The following MCF2L2 variants were observed in gnomAD, a reference collection of about 807,000 sequenced individuals.
MCF2L2 encodes MCF.2 cell line derived transforming sequence-like 2.
MCF2L2 carries 102 observed loss-of-function variants against 150.2 expected under a neutral mutation model. The ratio of observed to expected loss-of-function variants is 0.68; its 90% CI spans 0.58 to 0.80. MCF2L2 has a LOEUF of 0.80. Among genes scored for constraint, MCF2L2 ranks in the 30% least tolerant of loss-of-function variants. The pLI, the probability that MCF2L2 is intolerant of heterozygous loss-of-function variation, is 0.00. For synonymous variants in MCF2L2, 465 were observed against 491.3 expected (o/e 0.95, Z 0.71); for missense variants, 1,256 against 1,372.8 (o/e 0.91, Z 1.34).
intron 3 of MCF2L2, chr3:183,373,771 G>T (rs1303004551): frequency 6.6e-6 from 1 of 152,104 alleles, no homozygotes; most frequent in Non-Finnish European, 1.5e-5. Context: ...TGCAGTTGAG[G>T]TCGAGAACCA....
Position 183,351,211 on chromosome 3 carries a change from TATATATATATATATATATA to T in MCF2L2, c.276-9600_276-9582del, listed in dbSNP as rs1560034895. 1.4e-4 allele frequency among the ~76,000 whole-genome samples: 11 copies of T among 81,130 alleles called. 1 individual carries two copies. Among genetic ancestry groups the T allele is most frequent in the Non-Finnish European group, 2.3e-4 (10 of 44,124 alleles). The allele number at this position is 81,130 out of a possible 152,430, so 53.2% of individuals were successfully genotyped here. ...TTAAGTATATATATATATATATATA[TATATATATATATATATATA>T]TATATATTTATTTATTTATTTATCA... is the stretch of plus-strand genomic sequence containing the variant. On this transcript the variant is annotated intron_variant, in intron 3 of 29. Coordinates refer to ENST00000328913, the MANE Select transcript of MCF2L2 (RefSeq NM_015078.4).
rs564510258 is a variant in MCF2L2, at chr3:183,192,891, A to G, written c.3016+108T>C. The G allele has an allele frequency of 1.1e-4, 81 of 757,110 alleles. No homozygotes were observed. The East Asian group carries it at 1.5e-3, about 14-fold the overall frequency. The allele number at this position is 757,110 out of a possible 1,614,324, so 46.9% of individuals were successfully genotyped here. A position where few individuals can be genotyped will look rare whatever the true frequency, so the allele number is the denominator to read the frequency against. ...TAAAATGCTTTCTTTTTTCTCCCTC[A>G]TTTAACTAAAGAAGGGCTGGGCCCT... On this transcript the variant is annotated intron_variant, in intron 27 of 29. Transcript: ENST00000328913.
Position 183,179,214 on chromosome 3 carries a change from A to G in MCF2L2, c.*166T>C, listed in dbSNP as rs1446443967. The G allele has an allele frequency of 3.1e-6, 3 of 959,046 alleles. No individual in the cohort carries two copies. The highest frequency in any genetic ancestry group is 4.2e-6 in the Non-Finnish European group (3 of 713,942). 59.4% of individuals were successfully genotyped at this position (959,046 alleles called of 1,614,324 possible). A position where few individuals can be genotyped will look rare whatever the true frequency, so the allele number is the denominator to read the frequency against. Reference sequence around the variant, plus strand: ...CCCGTGCGGAGCTAGGCGCGCACCCAGGACACCCCTCGGGCTCCTCGGAGG... The same window carrying G: ...CCCGTGCGGAGCTAGGCGCGCACCCGGGACACCCCTCGGGCTCCTCGGAGG... On this transcript the variant is annotated 3_prime_UTR_variant, in exon 30 of 30. Transcript: ENST00000328913. This position sits in a 1 kb window ranked among gnomAD's most constrained non-coding sequence, Gnocchi z 4.2.
At position 183,270,260 on chromosome 3, in the gene MCF2L2, T is replaced by G; in HGVS notation, c.1862+6612A>C. On this transcript the variant is annotated intron_variant, in intron 15 of 29. Coordinates refer to ENST00000328913, the MANE Select transcript of MCF2L2 (RefSeq NM_015078.4). The surrounding 1 kb of genome is among the most constrained non-coding windows in gnomAD (Gnocchi z 4.5). The stretch of plus-strand genomic sequence containing the variant: ...TGGCTTGGGAAGATCAAAGGTACAA[T>G]GATATAATTCAGCAAGACTTTGTTG... The G allele has an allele frequency of 6.2e-7, 1 of 1,614,138 alleles. No individual in the cohort carries two copies. Among genetic ancestry groups the G allele is most frequent in the Non-Finnish European group, 8.5e-7 (1 of 1,179,990 alleles).
At chr3:183,302,142 A>AGTAT (rs1177053419) in intron 10 of MCF2L2, among the ~76,000 whole-genome samples, 6 of 152,144 alleles carry the variant, frequency 3.9e-5, no homozygotes, top group African/African-American at 1.4e-4. Context: ...GGGGGCAGGA[A>AGTAT]GTATGTCCTG....
At chr3:183,349,967 G>A (rs1731048425) in intron 3 of MCF2L2, among the ~76,000 whole-genome samples, 1 of 152,082 alleles carries the variant, frequency 6.6e-6, no homozygotes, top group South Asian at 2.1e-4. Context: ...GAGAGGCTTA[G>A]CAAATATTAG....
chr3:183,198,388 C>T (rs537557538), intron 25 of MCF2L2, among the ~76,000 whole-genome samples: 112 of 151,972 alleles, frequency 7.4e-4, no homozygotes, highest in Non-Finnish European at 1.2e-3. Flanking sequence ...GCAAACTAAC[C>T]TATAGTGACA....
intron 22 of MCF2L2, among the ~76,000 whole-genome samples, chr3:183,214,824 A>C (rs1722855317): frequency 6.7e-6 from 1 of 148,636 alleles, no homozygotes; most frequent in Non-Finnish European, 1.5e-5. Flanking sequence ...GTCTCTACTA[A>C]AAATACAAAA....
In MCF2L2 at chr3:183,280,893, G is replaced by A. The variant is rs539718863; in HGVS notation, c.1777-3936C>T. ...AAGCAAACAAACAAACAAAAACAAG[G>A]GTATCTGGTAATTTAAGGTGAAAGT... On this transcript the variant is annotated intron_variant, in intron 14 of 29. Transcript: ENST00000328913. Among the ~76,000 whole-genome samples, 3 of 150,892 alleles carry A rather than the reference G, an allele frequency of 2.0e-5. No homozygotes were observed. The South Asian group carries it at 6.3e-4, about 32-fold the overall frequency.
At chr3:183,343,371 ATTT>A (rs199910390) in intron 3 of MCF2L2, among the ~76,000 whole-genome samples, 13 of 140,898 alleles carry the variant, frequency 9.2e-5, no homozygotes, top group African/African-American at 2.1e-4. Context: ...TGATAACTTG[ATTT>A]TTTTTTTTTT....
intron 15 of MCF2L2, among the ~76,000 whole-genome samples, chr3:183,266,676 A>G (rs1475155688): frequency 1.3e-5 from 2 of 152,150 alleles, no homozygotes; most frequent in Non-Finnish European, 2.9e-5. Context: ...TCAGAAACTG[A>G]TATTTTCTGA....
chr3:183,412,834 G>A (rs574963235), intron 1 of MCF2L2, among the ~76,000 whole-genome samples: 1 of 152,228 alleles, frequency 6.6e-6, no homozygotes, highest in African/African-American at 2.4e-5. Context: ...CAGTCATTCA[G>A]CACTAACTAT....
intron 3 of MCF2L2, among the ~76,000 whole-genome samples, chr3:183,345,488 C>T (rs1560031971): frequency 6.6e-6 from 1 of 151,800 alleles, no homozygotes; most frequent in Non-Finnish European, 1.5e-5. Flanking sequence ...AAATCAACAC[C>T]CTAACATCAC....
rs555077789 is a variant in MCF2L2 at position 183,232,227 on chromosome 3, G to A, written c.1863-1210C>T. Reference sequence around the variant, plus strand: ...TGGCTCCCAGCTGACAGGCAGCAAGGAAGGGAAATCAGTCCTATAGTTGCA... The same window carrying A: ...TGGCTCCCAGCTGACAGGCAGCAAGAAAGGGAAATCAGTCCTATAGTTGCA... On this transcript the variant is annotated intron_variant, in intron 15 of 29. Coordinates refer to ENST00000328913, the MANE Select transcript of MCF2L2 (RefSeq NM_015078.4). Among the ~76,000 whole-genome samples the A allele has an allele frequency of 1.8e-3, 280 of 152,302 alleles. 1 individual carries two copies. Among genetic ancestry groups the A allele is most frequent in the Non-Finnish European group, 3.2e-3 (221 of 68,030 alleles).
chr3:183,289,098 A>C, intron 14 of MCF2L2, 22 bp downstream of exon 14: 1 of 1,488,850 alleles, frequency 6.7e-7, no homozygotes, highest in Non-Finnish European at 9.4e-7. Flanking sequence ...AAGTTCTATA[A>C]GTAAAATAAA....
chr3:183,256,791 A>G (rs1403148095), intron 15 of MCF2L2, among the ~76,000 whole-genome samples: 1 of 152,130 alleles, frequency 6.6e-6, no homozygotes, highest in East Asian at 1.9e-4. Context: ...ATAATCTTAT[A>G]CCTGTGTCAT....
chr3:183,359,378 A>G (rs1021303252), intron 3 of MCF2L2, among the ~76,000 whole-genome samples: 5 of 152,220 alleles, frequency 3.3e-5, no homozygotes, highest in African/African-American at 1.2e-4. Context: ...TTTCACAAAG[A>G]TTTTATACCA....
intron 3 of MCF2L2, among the ~76,000 whole-genome samples, chr3:183,346,855 G>A (rs1730919101): frequency 6.6e-6 from 1 of 152,180 alleles, no homozygotes; most frequent in South Asian, 2.1e-4. Context: ...TACAAGGGAT[G>A]TGAAGGACTT....
chr3:183,198,281 C>T (rs1560336404), intron 25 of MCF2L2, among the ~76,000 whole-genome samples: 1 of 152,016 alleles, frequency 6.6e-6, no homozygotes, highest in Non-Finnish European at 1.5e-5. Context: ...TTTACAAAAT[C>T]CAAATAGATG....
Sources: allele counts gnomAD v4.1 joint callset (sites outside exome capture counted in the v4.1 genomes callset), GRCh38; gene constraint gnomAD v4.1.1; non-coding constraint Gnocchi (gnomAD v3.1); transcripts MANE v1.5; gene names NCBI Gene and HGNC (gene_info 2026-07-23, HGNC 2026-07-21).